Variants in ATP11B observed in about 807,000 individuals in gnomAD.
ATP11B encodes the protein ATPase phospholipid transporting 11B (putative).
In ATP11B, 81 loss-of-function variants were observed where a neutral mutation model predicts 157.8. The ratio of observed to expected loss-of-function variants is 0.51; its 90% confidence interval spans 0.43 to 0.62. The LOEUF (loss-of-function observed/expected upper bound fraction) is 0.62, where lower values mean the gene tolerates loss of function less well. ATP11B is among the 20% of genes least tolerant of loss of function. ATP11B has a pLI of 0.00. For missense variants in ATP11B, 1,165 were observed against 1,402.2 expected, an observed-to-expected ratio of 0.83 and a Z score of 2.70; for synonymous variants, 451 against 469.4, an observed-to-expected ratio of 0.96 and a Z score of 0.51.
intron 19 of ATP11B, among the ~76,000 whole-genome samples, chr3:182,878,583 C>G (rs1409178398): frequency 6.6e-6 from 1 of 152,182 alleles, no homozygotes; most frequent in Non-Finnish European, 1.5e-5. Context: ...GGCTCCTTAT[C>G]TCTTCCTGGC....
In ATP11B at chr3:182,889,442, A is replaced by C. The variant is rs1161452739; in HGVS notation, c.2876A>C (p.Lys959Thr). 1 of 1,577,610 alleles carries C rather than the reference A, an allele frequency of 6.3e-7. No homozygotes were observed. Among genetic ancestry groups the C allele is most frequent in the South Asian group, 1.2e-5 (1 of 84,330 alleles). The stretch of plus-strand genomic sequence containing the variant: ...AGTAAAAACCGCCTCTTAAGTATTA[A>C]AACATTTCTTTATTGGACCATCCTG... ...DISKNRLLSI[K>T]TFLYWTILGF... The change falls in exon 25 of 30, where the codon AAA becomes ACA. Residue 959 changes from lysine (K) to threonine (T), a missense_variant. This residue lies in a region of ATP11B where 303 missense variants were observed against 296.3 expected (regional missense o/e 1.02). Transcript: ENST00000323116.
chr3:182,879,376 G>T, intron 19 of ATP11B, 120 bp from the exon 20 acceptor site: 1 of 835,064 alleles, frequency 1.2e-6, no homozygotes, highest in Non-Finnish European at 1.7e-6. Flanking sequence ...TAACAGTCTT[G>T]TAACAGTAAG....
Position 182,859,341 on chromosome 3 carries a change from G to C in ATP11B, c.1182G>C (p.Leu394=). The change falls in exon 12 of 30, where the codon CTG becomes CTC. Residue 394 remains leucine (L), a synonymous_variant. Coordinates refer to ENST00000323116, the MANE Select transcript of ATP11B (RefSeq NM_014616.3). The stretch of plus-strand genomic sequence containing the variant: ...AAGCTCAAGTCAATACTTCCGATCT[G>C]AATGAAGAGCTTGGACAGGTGAAAA... ...DQKAQVNTSD[L]NEELGQVEYV... is the part of the protein sequence containing the mutation. 6.3e-7 allele frequency: 1 copy of C among 1,598,732 alleles called. No homozygotes were observed. The highest frequency in any genetic ancestry group is 8.5e-7 in the Non-Finnish European group (1 of 1,171,682).
chr3:182,853,827 G>A (rs1438898778), intron 10 of ATP11B, among the ~76,000 whole-genome samples: 4 of 152,088 alleles, frequency 2.6e-5, no homozygotes, highest in African/African-American at 9.7e-5. Context: ...TAGCCAAAAT[G>A]CATATTCAGA....
At chr3:182,916,659 A>G in intron 29 of ATP11B, 2 of 983,952 alleles carry the variant, frequency 2.0e-6, no homozygotes, top group Non-Finnish European at 2.4e-6. Context: ...ATGTAGTTCA[A>G]GTGTTTAATG....
At chr3:182,910,978 T>A (rs1404679829) in intron 28 of ATP11B, among the ~76,000 whole-genome samples, 1 of 152,242 alleles carries the variant, frequency 6.6e-6, no homozygotes, top group East Asian at 1.9e-4. Flanking sequence ...TTATTGAATT[T>A]AACAGTTATA....
rs189952609 is a variant in ATP11B at position 182,837,056 on chromosome 3, A to G, written c.553-15A>G. ...TTGGATCTGAAAACTCTACAGTTTA[A>G]TTCATTTTTTTCAGACACATGTGGC... On this transcript the variant is annotated splice_polypyrimidine_tract_variant and intron_variant, in intron 6 of 29. Transcript: ENST00000323116. 66 of 1,595,972 alleles carry G rather than the reference A, an allele frequency of 4.1e-5. No individual in the cohort carries two copies. Among genetic ancestry groups the G allele is most frequent in the Non-Finnish European group, 3.4e-6 (4 of 1,166,416 alleles).
intron 28 of ATP11B, among the ~76,000 whole-genome samples, chr3:182,913,315 C>T (rs1028835674): frequency 1.6e-4 from 24 of 152,120 alleles, no homozygotes; most frequent in Non-Finnish European, 2.9e-4. Flanking sequence ...GAACCTGGCA[C>T]ATAGTAAAGC....
intron 4 of ATP11B, chr3:182,833,812 A>G (rs1412918081): frequency 6.6e-6 from 1 of 152,254 alleles, no homozygotes; most frequent in Non-Finnish European, 1.5e-5. Context: ...AAGATGAGGT[A>G]GAAATGAACT....
chr3:182,902,651 A>T (rs951263241), intron 28 of ATP11B: 22 of 825,324 alleles, frequency 2.7e-5, no homozygotes, highest in Non-Finnish European at 3.7e-5. Context: ...CAGAGGCATA[A>T]ATAAAGAGCG....
intron 10 of ATP11B, among the ~76,000 whole-genome samples, chr3:182,849,141 T>C (rs1431880852): frequency 2.6e-5 from 4 of 152,212 alleles, no homozygotes; most frequent in African/African-American, 4.8e-5. Flanking sequence ...AGCTACAGAA[T>C]GGAATTAACT....
intron 4 of ATP11B, among the ~76,000 whole-genome samples, chr3:182,833,367 C>T (rs1718295914): frequency 6.6e-6 from 1 of 152,162 alleles, no homozygotes; most frequent in Admixed American, 6.6e-5. Context: ...ATTCTGTTGT[C>T]CAGGCTGGAG....
intron 1 of ATP11B, among the ~76,000 whole-genome samples, chr3:182,815,336 T>G (rs1279055236): frequency 2.6e-5 from 4 of 152,356 alleles, no homozygotes; most frequent in South Asian, 2.1e-4. Context: ...TGTCACATTA[T>G]CTTGCCCTGA....
chr3:182,871,101 C>G (rs552481763), intron 17 of ATP11B, among the ~76,000 whole-genome samples: 2 of 152,158 alleles, frequency 1.3e-5, no homozygotes, highest in African/African-American at 2.4e-5. Context: ...GAGTTTGAGA[C>G]CAGCCTGGGC....
chr3:182,901,444 A>G (rs1723962270), intron 28 of ATP11B, among the ~76,000 whole-genome samples: 1 of 152,008 alleles, frequency 6.6e-6, no homozygotes, highest in Non-Finnish European at 1.5e-5. Flanking sequence ...ATTGTTTAAA[A>G]TTTTAGAATA....
At chr3:182,799,506 ACCT>A (rs1715845381) in intron 1 of ATP11B, among the ~76,000 whole-genome samples, 1 of 151,698 alleles carries the variant, frequency 6.6e-6, no homozygotes, top group Non-Finnish European at 1.5e-5. Context: ...CGATCTCCTG[ACCT>A]CATGATCCGC....
At position 182,879,577 on chromosome 3, in the gene ATP11B, A is replaced by G; in HGVS notation, c.2334A>G (p.Lys778=). 1.2e-6 allele frequency: 2 copies of G among 1,614,108 alleles called. No individual in the cohort carries two copies. Among genetic ancestry groups the G allele is most frequent in the Non-Finnish European group, 1.7e-6 (2 of 1,179,994 alleles). ...CTCTTGCACTCAGGGAGCATGAAAA[A>G]CTATTTATGGAAGTTTGCAGAAATT... ...SLSLALREHE[K]LFMEVCRNCS... Residue 778 remains lysine (K), a synonymous_variant, in exon 20 of 30, where the codon AAA becomes AAG. Coordinates refer to ENST00000323116, the MANE Select transcript of ATP11B (RefSeq NM_014616.3).
At chr3:182,871,916 C>T (rs1022226942) in intron 17 of ATP11B, among the ~76,000 whole-genome samples, 20 of 151,910 alleles carry the variant, frequency 1.3e-4, no homozygotes, top group African/African-American at 4.4e-4. Context: ...CCCGGGTTCA[C>T]GCCATTCTCC....
chr3:182,882,533 T>C (rs868745826), intron 21 of ATP11B, among the ~76,000 whole-genome samples: 9 of 152,016 alleles, frequency 5.9e-5, no homozygotes, highest in Admixed American at 2.6e-4. Flanking sequence ...GTTGAGTCTC[T>C]TTCTATTATT....
Sources: gnomAD v4.1 joint callset for allele counts (sites outside exome capture counted in the v4.1 genomes callset) on GRCh38, gnomAD v4.1.1 for gene constraint, gnomAD v4.1.1 regional missense constraint, MANE v1.5 for transcripts, NCBI Gene and HGNC (gene_info 2026-07-23, HGNC 2026-07-21) for gene names.